SH2D4B: variants seen among roughly 807,000 people sequenced by gnomAD.
SH2D4B encodes SH2 domain containing 4B.
Under a neutral mutation model 61.5 loss-of-function variants are expected in SH2D4B, and 45 were observed. The observed-to-expected ratio is 0.73, with a 90% CI of 0.58 to 0.94. The LOEUF (loss-of-function observed/expected upper bound fraction) is 0.94, where lower values mean the gene tolerates loss of function less well. Ranked by LOEUF, SH2D4B falls within the 40% of genes least tolerant of loss-of-function variation. SH2D4B has a pLI of 0.00. For synonymous variants in SH2D4B, 224 were observed against 220.4 expected (o/e 1.02, Z -0.14); for missense variants, 572 against 574.2 (o/e 1.00, Z 0.04).
At chr10:80,565,990 C>G (rs1841962493) in intron 1 of SH2D4B, among the ~76,000 whole-genome samples, 1 of 143,792 alleles carries the variant, frequency 7.0e-6, no homozygotes, top group Non-Finnish European at 1.5e-5. Flanking sequence ...ACTCCGGAGG[C>G]TGAGGCAGGA....
At chr10:80,547,889 G>A (rs1841704040) in intron 1 of SH2D4B, among the ~76,000 whole-genome samples, 1 of 152,138 alleles carries the variant, frequency 6.6e-6, no homozygotes, top group Non-Finnish European at 1.5e-5. Flanking sequence ...ACCAGTTAAG[G>A]CAGCTGGTGA....
intron 1 of SH2D4B, among the ~76,000 whole-genome samples, chr10:80,554,890 T>C (rs1006052198): frequency 6.7e-6 from 1 of 149,648 alleles, no homozygotes; most frequent in Non-Finnish European, 1.5e-5. Flanking sequence ...GCACCTGTAG[T>C]CCCAGCTACT....
chr10:80,602,272 C>T (rs915103992), intron 4 of SH2D4B, among the ~76,000 whole-genome samples: 1 of 152,032 alleles, frequency 6.6e-6, no homozygotes, highest in Admixed American at 6.5e-5. Context: ...GACCAGGCTG[C>T]ACAACATAGT....
At chr10:80,630,721 A>G (rs574069918) in intron 6 of SH2D4B, among the ~76,000 whole-genome samples, 35 of 152,110 alleles carry the variant, frequency 2.3e-4, no homozygotes, top group African/African-American at 8.2e-4. Flanking sequence ...CCCATAGCCC[A>G]TGATTCTGGG....
chr10:80,609,002 G>A (rs368404008), intron 5 of SH2D4B, among the ~76,000 whole-genome samples: 2 of 152,130 alleles, frequency 1.3e-5, no homozygotes, highest in Non-Finnish European at 1.5e-5. Context: ...TTTACTTTCC[G>A]TCAGGAGCCT....
Position 80,640,173 on chromosome 10 carries a change from G to A in SH2D4B, c.1210-3820G>A, listed in dbSNP as rs183076339. Among the ~76,000 whole-genome samples, 672 of 152,290 alleles carry A rather than the reference G, an allele frequency of 4.4e-3. 1 individual carries two copies. The highest frequency in any genetic ancestry group is 6.9e-3 in the Non-Finnish European group (470 of 68,032). ...TAGAGATCAGCTGTTAGTCTGATGG[G>A]CTTCCCTTTGAGGTTAACCCGACCT... On this transcript the variant is annotated intron_variant, in intron 7 of 7. Coordinates refer to ENST00000646907, the MANE Select transcript of SH2D4B (RefSeq NM_001388272.1).
At chr10:80,594,990 T>A (rs750036840) in intron 4 of SH2D4B, among the ~76,000 whole-genome samples, 3 of 152,014 alleles carry the variant, frequency 2.0e-5, no homozygotes, top group Non-Finnish European at 4.4e-5. Flanking sequence ...TAGCATGTAA[T>A]CAAATGCTGG....
rs921943783 is a variant in SH2D4B at position 80,585,331 on chromosome 10, T to TC, written c.496-3299_496-3298insC. Among the ~76,000 whole-genome samples, 4 of 151,524 alleles carry TC rather than the reference T, an allele frequency of 2.6e-5. No homozygotes were observed. In the East Asian group the frequency reaches 7.7e-4, roughly 29 times the overall value. On this transcript the variant is annotated intron_variant, in intron 3 of 7. Transcript: ENST00000646907. ...TGGCACAGACTCCTCTTTTTCTTTT[T>TC]TTTTTTTTTGAGATGGAGAGTCGCC...
At chr10:80,565,914 C>A (rs557183572) in intron 1 of SH2D4B, among the ~76,000 whole-genome samples, 4 of 151,778 alleles carry the variant, frequency 2.6e-5, no homozygotes, top group African/African-American at 9.7e-5. Context: ...CACGGTGAAA[C>A]CCCGTCTCTA....
At chr10:80,589,826 G>C (rs547597114) in intron 4 of SH2D4B, among the ~76,000 whole-genome samples, 1 of 152,298 alleles carries the variant, frequency 6.6e-6, no homozygotes, top group African/African-American at 2.4e-5. Context: ...ATGGGCAAAG[G>C]CTTGGTGACA....
intron 3 of SH2D4B, among the ~76,000 whole-genome samples, chr10:80,587,436 T>C (rs1842273061): frequency 6.6e-6 from 1 of 152,118 alleles, no homozygotes; most frequent in African/African-American, 2.4e-5. Context: ...TGCGCCACCA[T>C]GCTGGGCTAA....
At chr10:80,625,684 T>C (rs546362843) in intron 6 of SH2D4B, among the ~76,000 whole-genome samples, 1 of 151,976 alleles carries the variant, frequency 6.6e-6, no homozygotes, top group African/African-American at 2.4e-5. Context: ...GCGATTCTCC[T>C]GCCTTAGCCT....
At chr10:80,607,017 TGAAAAAG>T (rs1842527454) in intron 5 of SH2D4B, among the ~76,000 whole-genome samples, 1 of 152,030 alleles carries the variant, frequency 6.6e-6, no homozygotes, top group African/African-American at 2.4e-5. Context: ...ATAGATTAGC[TGAAAAAG>T]AAAAAAGAAG....
chr10:80,593,345 C>T (rs148545047), intron 4 of SH2D4B, among the ~76,000 whole-genome samples: 99 of 152,284 alleles, frequency 6.5e-4, no homozygotes, highest in African/African-American at 1.9e-3. Context: ...AATGTCTTTC[C>T]ATTTATCTAA....
In SH2D4B at chr10:80,570,320, A is replaced by C; in HGVS notation, c.347+4A>C. ...AGAGGGAAGCTGAGGAGCTCTGGTGAGGGGTGCTATGGGGTGTTGGGTGGG... is the reference window on the plus strand; with the variant it reads ...AGAGGGAAGCTGAGGAGCTCTGGTGCGGGGTGCTATGGGGTGTTGGGTGGG... On this transcript the variant is annotated splice_donor_region_variant and intron_variant, in intron 2 of 7. Coordinates refer to ENST00000646907, the MANE Select transcript of SH2D4B (RefSeq NM_001388272.1). The C allele has an allele frequency of 6.2e-7, 1 of 1,612,284 alleles. No homozygotes were observed. Among genetic ancestry groups the C allele is most frequent in the Non-Finnish European group, 8.5e-7 (1 of 1,179,788 alleles).
intron 6 of SH2D4B, among the ~76,000 whole-genome samples, chr10:80,618,384 A>G (rs996518154): frequency 2.0e-5 from 3 of 152,232 alleles, no homozygotes; most frequent in African/African-American, 7.2e-5. Flanking sequence ...ATTCATAGGC[A>G]TGGATATTGC....
At chr10:80,627,044 C>A (rs561674904) in intron 6 of SH2D4B, among the ~76,000 whole-genome samples, 184 of 152,276 alleles carry the variant, frequency 1.2e-3, no homozygotes, top group African/African-American at 4.2e-3. Flanking sequence ...GGCCCCAGAT[C>A]GTGCCTAATG....
At chr10:80,594,978 C>T (rs529775691) in intron 4 of SH2D4B, among the ~76,000 whole-genome samples, 32 of 151,894 alleles carry the variant, frequency 2.1e-4, no homozygotes, top group African/African-American at 7.0e-4. Flanking sequence ...TTCCCAGTGA[C>T]CTAGCATGTA....
At chr10:80,594,281 C>A (rs1025952334) in intron 4 of SH2D4B, among the ~76,000 whole-genome samples, 1 of 152,168 alleles carries the variant, frequency 6.6e-6, no homozygotes, top group Non-Finnish European at 1.5e-5. Flanking sequence ...TAACGTGGTG[C>A]ATTCCATGGC....
Sources: gnomAD v4.1 joint callset for allele counts (sites outside exome capture counted in the v4.1 genomes callset) on GRCh38, gnomAD v4.1.1 for gene constraint, MANE v1.5 for transcripts, NCBI Gene and HGNC (gene_info 2026-07-23, HGNC 2026-07-21) for gene names.